CACNA1S: variants seen among roughly 807,000 people sequenced by gnomAD.
The protein encoded by CACNA1S is voltage-dependent L-type calcium channel subunit alpha-1S.
A neutral mutation model predicts 207.4 loss-of-function variants in CACNA1S; 126 were observed. The ratio of observed to expected loss-of-function variants is 0.61; its 90% CI spans 0.53 to 0.70. The LOEUF (loss-of-function observed/expected upper bound fraction) is 0.70, where lower values mean the gene tolerates loss of function less well. Among genes scored for constraint, CACNA1S ranks in the 30% least tolerant of loss-of-function variants. The pLI is 0.00. For missense variants in CACNA1S, 2,349 were observed against 2,422.8 expected, an observed-to-expected ratio of 0.97 and a Z score of 0.64; for synonymous variants, 960 against 932.7, an observed-to-expected ratio of 1.03 and a Z score of -0.53.
At chr1:201,069,655 G>A in intron 17 of CACNA1S, 54 bp from the exon 18 acceptor site, 2 of 1,544,578 alleles carry the variant, frequency 1.3e-6, no homozygotes, top group Non-Finnish European at 1.8e-6. Context: ...GGAGGCTCAG[G>A]CCTCATCAGC....
chr1:201,046,256 A>T (rs1660465715), intron 38 of CACNA1S, among the ~76,000 whole-genome samples: 1 of 151,962 alleles, frequency 6.6e-6, no homozygotes, highest in Non-Finnish European at 1.5e-5. Flanking sequence ...ATCTCACCTC[A>T]CTGCAACCTC....
Position 201,066,812 on chromosome 1 carries a change from G to A in CACNA1S, c.2657+75C>T, listed in dbSNP as rs553269266. ...GTGGCAGGGGCCCACCAACATGGGT[G>A]GGACTCCCACTACAAAGCCCTGGCA... On this transcript the variant is annotated intron_variant, in intron 20 of 43. Transcript: ENST00000362061. This position sits in a 1 kb window ranked among gnomAD's most constrained non-coding sequence, Gnocchi z 4.3. 2.3e-3 allele frequency: 2,561 copies of A among 1,094,988 alleles called. 3 individuals are homozygous for A. Among genetic ancestry groups the A allele is most frequent in the Non-Finnish European group, 3.0e-3 (2,148 of 727,534 alleles). The allele number at this position is 1,094,988 out of a possible 1,614,324, so 67.8% of individuals were successfully genotyped here.
intron 1 of CACNA1S, among the ~76,000 whole-genome samples, chr1:201,110,577 G>A (rs759025990): frequency 6.6e-6 from 1 of 152,192 alleles, no homozygotes; most frequent in Non-Finnish European, 1.5e-5. Flanking sequence ...TCTTCACACC[G>A]CTCCACTCTC....
At position 201,060,796 on chromosome 1, in the gene CACNA1S, G is replaced by C. The variant is rs747809204; in HGVS notation, c.3276C>G (p.Ala1092=). The change falls in exon 26 of 44, where the codon GCC becomes GCG. Residue 1092 remains alanine, a synonymous_variant. Coordinates refer to ENST00000362061, the MANE Select transcript of CACNA1S (RefSeq NM_000069.3). ...AGCACCTCAGTGGGCGGGCCTTCAG[G>C]GCATACTGTACACATTGGCGCTGTG... ...DKNQRQCVQY[A]LKARPLRCYI... is the part of the protein sequence containing the mutation. The C allele has an allele frequency of 2.5e-6, 4 of 1,614,188 alleles. No homozygotes were observed. The highest frequency in any genetic ancestry group is 3.4e-6 in the Non-Finnish European group (4 of 1,180,036).
chr1:201,040,394 G>A lies in CACNA1S; in HGVS notation c.5227-20C>T, dbSNP rs377205612. 27 of 1,611,874 alleles carry A rather than the reference G, an allele frequency of 1.7e-5. No homozygotes were observed. In the African/African-American group the frequency reaches 2.9e-4, roughly 17 times the overall value. ...GGGGCACTGTTCCAAAGGTACAAAAGCAAAGACCCCGACAGGGGTGCTGGA... is the reference window on the plus strand; with the variant it reads ...GGGGCACTGTTCCAAAGGTACAAAAACAAAGACCCCGACAGGGGTGCTGGA... On this transcript the variant is annotated intron_variant, in intron 42 of 43. Transcript: ENST00000362061.
chr1:201,091,570 G>C, intron 5 of CACNA1S, 70 bp downstream of exon 5: 1 of 1,560,398 alleles, frequency 6.4e-7, no homozygotes, highest in African/African-American at 1.4e-5. Flanking sequence ...TCCTTCACCA[G>C]GTAGGGTGGC....
At chr1:201,047,088 C>G in intron 38 of CACNA1S, 27 bp downstream of exon 38, 1 of 1,614,176 alleles carries the variant, frequency 6.2e-7, no homozygotes, top group Non-Finnish European at 8.5e-7. Flanking sequence ...GGGGGAGCCC[C>G]TTGGAACATA....
Position 201,110,167 on chromosome 1 carries a change from G to T in CACNA1S, c.255C>A (p.Gly85=). ...GAGATGGAAGGGCCAATCTTACCAG[G>T]CCGAGGTTCAGAGAGTTGTTGTCAT... ...PEDDNNSLNL[G]LEKLEYFFLI... is the part of the protein sequence containing the mutation. The change falls in exon 2 of 44, where the codon GGC becomes GGA. Residue 85 remains glycine, a synonymous_variant. Transcript: ENST00000362061. The T allele has an allele frequency of 6.2e-7, 1 of 1,613,980 alleles. No homozygotes were observed. The highest frequency in any genetic ancestry group is 8.5e-7 in the Non-Finnish European group (1 of 1,179,824).
intron 19 of CACNA1S, among the ~76,000 whole-genome samples, chr1:201,068,772 T>A (rs1661346824): frequency 6.6e-6 from 1 of 152,018 alleles, no homozygotes; most frequent in Non-Finnish European, 1.5e-5. Flanking sequence ...CTTGAGAGGC[T>A]GAGGCAGGAG....
At chr1:201,043,621 C>A in intron 39 of CACNA1S, 90 bp from the exon 40 acceptor site, 1 of 1,194,412 alleles carries the variant, frequency 8.4e-7, no homozygotes, top group Middle Eastern at 2.3e-4. Flanking sequence ...TGGGAACAAG[C>A]AATAGTATTG....
intron 9 of CACNA1S, among the ~76,000 whole-genome samples, chr1:201,083,923 T>C (rs956018358): frequency 1.3e-5 from 2 of 152,164 alleles, no homozygotes; most frequent in African/African-American, 4.8e-5. Flanking sequence ...CAAGTCTATT[T>C]CTAGAGTTCC....
At chr1:201,099,239 CCTT>C (rs1333259626) in intron 2 of CACNA1S, among the ~76,000 whole-genome samples, 4 of 152,256 alleles carry the variant, frequency 2.6e-5, no homozygotes, top group Non-Finnish European at 5.9e-5. Context: ...AGATACCACA[CCTT>C]CTTCCCCTGC....
rs1660738177 is a variant in CACNA1S, at chr1:201,053,686, G to A, written c.3667-99C>T. 7.6e-7 allele frequency: 1 copy of A among 1,309,198 alleles called. No individual in the cohort carries two copies. The highest frequency in any genetic ancestry group is 2.5e-5 in the East Asian group (1 of 40,706). 81.1% of individuals were successfully genotyped at this position (1,309,198 alleles called of 1,614,324 possible). On this transcript the variant is annotated intron_variant, in intron 29 of 43. Coordinates refer to ENST00000362061, the MANE Select transcript of CACNA1S (RefSeq NM_000069.3). This position sits in a 1 kb window ranked among gnomAD's most constrained non-coding sequence, Gnocchi z 5.1. ...GGTGCACTGTGTGTTTTGGGGAGATGTTTGTGGCATGGAGGAACTCCAGCC... is the reference window on the plus strand; with the variant it reads ...GGTGCACTGTGTGTTTTGGGGAGATATTTGTGGCATGGAGGAACTCCAGCC...
At chr1:201,091,573 A>G (rs545400556) in intron 5 of CACNA1S, 67 bp downstream of exon 5, 2 of 1,569,726 alleles carry the variant, frequency 1.3e-6, no homozygotes, top group Admixed American at 1.7e-5. Context: ...TTCACCAGGT[A>G]GGGTGGCTCC....
In CACNA1S at chr1:201,062,002, T is replaced by A; in HGVS notation, c.2995A>T (p.Asn999Tyr). 2 of 1,614,152 alleles carry A rather than the reference T, an allele frequency of 1.2e-6. No homozygotes were observed. Among genetic ancestry groups the A allele is most frequent in the East Asian group, 2.2e-5 (1 of 44,878 alleles). Residue 999 changes from asparagine (N) to tyrosine (Y), a missense_variant, in exon 24 of 44, where the codon AAT (asparagine) becomes TAT (tyrosine). By Grantham distance (143) the Asn-to-Tyr change is moderately radical. Transcript: ENST00000362061. ...EWVHSDFHFDNVLSAMMSLFT... is the reference protein window; with the variant it reads ...EWVHSDFHFDYVLSAMMSLFT... ...AGGGACATCATGGCTGAGAGCACATTGTCGAAGTGGAAGTCGCTGTGTACC... is the reference window on the plus strand; with the variant it reads ...AGGGACATCATGGCTGAGAGCACATAGTCGAAGTGGAAGTCGCTGTGTACC...
rs1800559 is a variant in CACNA1S, at chr1:201,060,815, C to A, written c.3257G>T (p.Arg1086Leu). 1.9e-6 allele frequency: 3 copies of A among 1,614,180 alleles called. No individual in the cohort carries two copies. The highest frequency in any genetic ancestry group is 3.3e-5 in the Admixed American group (2 of 60,018). Residue 1086 changes from arginine to leucine, a missense_variant and splice_region_variant, in exon 26 of 44, where the codon CGC becomes CTC. Coordinates refer to ENST00000362061, the MANE Select transcript of CACNA1S (RefSeq NM_000069.3). ...CTTCAGGGCATACTGTACACATTGG[C>A]GCTGTGACACATACAACAGGACAGG... is the stretch of plus-strand genomic sequence containing the variant. ...YKNCELDKNQRQCVQYALKAR... is the reference protein window; with the variant it reads ...YKNCELDKNQLQCVQYALKAR...
chr1:201,105,741 A>G (rs1441556307), intron 2 of CACNA1S, among the ~76,000 whole-genome samples: 2 of 152,170 alleles, frequency 1.3e-5, no homozygotes, highest in Non-Finnish European at 2.9e-5. Context: ...GCAGAGTCAG[A>G]GGTGTACCTC....
At chr1:201,085,312 G>A (rs976625246) in intron 8 of CACNA1S, 124 bp downstream of exon 8, 22 of 1,354,598 alleles carry the variant, frequency 1.6e-5, no homozygotes, top group Non-Finnish European at 2.1e-5. Flanking sequence ...TTTTGCTTTA[G>A]GCAAGTCACT....
Position 201,053,399 on chromosome 1 carries a change from G to A in CACNA1S, c.3795+60C>T. ...GCTCCCCTGGGGCCCACCCTGGGCT[G>A]AGGCAGATGTCCCTAGTGGCCTCCC... On this transcript the variant is annotated intron_variant, in intron 30 of 43. Coordinates refer to ENST00000362061, the MANE Select transcript of CACNA1S (RefSeq NM_000069.3). This position sits in a 1 kb window ranked among gnomAD's most constrained non-coding sequence, Gnocchi z 5.1. 6.2e-7 allele frequency: 1 copy of A among 1,613,650 alleles called. No homozygotes were observed.
Sources: allele counts gnomAD v4.1 joint callset (sites outside exome capture counted in the v4.1 genomes callset), GRCh38; gene constraint gnomAD v4.1.1; non-coding constraint Gnocchi (gnomAD v3.1); transcripts MANE v1.5; gene names NCBI Gene and HGNC (gene_info 2026-07-23, HGNC 2026-07-21).